Variants in CLDN16 observed in about 807,000 individuals in gnomAD.
The protein encoded by CLDN16 is claudin-16.
In CLDN16, 13 loss-of-function variants were observed where a neutral mutation model predicts 24.6. The observed-to-expected ratio is 0.53, with a 90% CI of 0.34 to 0.84. The LOEUF (loss-of-function observed/expected upper bound fraction) is 0.84. CLDN16 is among the 40% of genes least tolerant of loss of function. The pLI is 0.01. For missense variants in CLDN16, 298 were observed against 292.7 expected, an observed-to-expected ratio of 1.02 and a Z score of -0.13; for synonymous variants, 116 against 106.7, an observed-to-expected ratio of 1.09 and a Z score of -0.54.
the CLDN16 span, among the ~76,000 whole-genome samples, chr3:190,303,443 G>A: frequency 6.6e-6 from 1 of 152,184 alleles, no homozygotes; most frequent in Non-Finnish European, 1.5e-5. Context: ...TAAGAGATCT[G>A]AGCACAGTTT....
chr3:190,391,303 TATATC>T (rs1560094874), intron 1 of CLDN16, among the ~76,000 whole-genome samples: 1 of 151,282 alleles, frequency 6.6e-6, no homozygotes, highest in Non-Finnish European at 1.5e-5. Context: ...TATATACAAT[TATATC>T]ATATAAAAGG....
intron 1 of CLDN16, among the ~76,000 whole-genome samples, chr3:190,356,676 G>A (rs1414495478): frequency 6.6e-6 from 1 of 151,776 alleles, no homozygotes; most frequent in African/African-American, 2.4e-5. Flanking sequence ...TATTGAGATA[G>A]CTCTCTATTT....
At chr3:190,299,692 G>A in the CLDN16 span, among the ~76,000 whole-genome samples, 1 of 151,976 alleles carries the variant, frequency 6.6e-6, no homozygotes, top group Non-Finnish European at 1.5e-5. Context: ...TCATTTCTCT[G>A]TTGATCTGTA....
At chr3:190,318,590 A>G (rs898392392), upstream of CLDN16, among the ~76,000 whole-genome samples, 5 of 152,224 alleles carry the variant, frequency 3.3e-5, no homozygotes, top group Non-Finnish European at 5.9e-5. Flanking sequence ...TCACCATTAT[A>G]CACTTGGCTA....
chr3:190,406,095 C>A (rs945900126), intron 3 of CLDN16, among the ~76,000 whole-genome samples: 1 of 152,178 alleles, frequency 6.6e-6, no homozygotes, highest in African/African-American at 2.4e-5. Context: ...TGCAAAGAGG[C>A]ATGAGGCTAA....
intron 1 of CLDN16, among the ~76,000 whole-genome samples, chr3:190,335,746 G>A (rs1242279029): frequency 6.7e-6 from 1 of 150,252 alleles, no homozygotes; most frequent in Non-Finnish European, 1.5e-5. Context: ...TATCCTAAGG[G>A]CATGCCCTGA....
At position 190,328,310 on chromosome 3, in the gene CLDN16, C is replaced by T. The variant is rs539065135; in HGVS notation, n.121+5649C>T. On this transcript the variant is annotated intron_variant and non_coding_transcript_variant, in intron 1 of 4. Coordinates refer to the CLDN16 transcript ENST00000468220. ...CACAAAATATCTTAATTTTTAATAC[C>T]TTGATTTTTGGGATAAGACAGAATC... Among the ~76,000 whole-genome samples, 4 of 151,980 alleles carry T rather than the reference C, an allele frequency of 2.6e-5. No individual in the cohort carries two copies. In the South Asian group the frequency reaches 8.3e-4, roughly 32 times the overall value.
rs530769638 is a variant in CLDN16, at chr3:190,326,379, G to A, written n.121+3718G>A. ...TAGTTAAATCGTAGTGAAAAGATAC[G>A]CAGTTTCTCTAGAAAGAAGACACAA... On this transcript the variant is annotated intron_variant and non_coding_transcript_variant, in intron 1 of 4. Coordinates refer to the CLDN16 transcript ENST00000468220. Among the ~76,000 whole-genome samples the A allele has an allele frequency of 3.3e-5, 5 of 152,274 alleles. No homozygotes were observed. The East Asian group carries it at 7.7e-4, about 23-fold the overall frequency.
chr3:190,334,187 G>C (rs2108624983), intron 1 of CLDN16, among the ~76,000 whole-genome samples: 1 of 152,320 alleles, frequency 6.6e-6, no homozygotes, highest in Non-Finnish European at 1.5e-5. Context: ...CTGGAGTACA[G>C]AGTGATTGTT....
At chr3:190,354,876 T>C (rs879307568) in intron 1 of CLDN16, among the ~76,000 whole-genome samples, 3 of 152,052 alleles carry the variant, frequency 2.0e-5, no homozygotes, top group Non-Finnish European at 4.4e-5. Flanking sequence ...CCTCTGCTTT[T>C]TTATGTGATG....
the CLDN16 span, chr3:190,310,217 T>C: frequency 3.1e-6 from 5 of 1,613,814 alleles, no homozygotes; most frequent in African/African-American, 2.7e-5. Flanking sequence ...AACGATTCTA[T>C]TGCCATACCA....
At chr3:190,339,276 G>A (rs186638317) in intron 1 of CLDN16, among the ~76,000 whole-genome samples, 39 of 152,214 alleles carry the variant, frequency 2.6e-4, no homozygotes, top group Admixed American at 2.0e-3. Flanking sequence ...CTAGGCTTCT[G>A]GGCCTAACTC....
At chr3:190,397,864 C>G (rs757429926) in intron 1 of CLDN16, among the ~76,000 whole-genome samples, 2 of 152,136 alleles carry the variant, frequency 1.3e-5, no homozygotes, top group Admixed American at 6.5e-5. Flanking sequence ...GAAACTGATA[C>G]CACTACTGAA....
At chr3:190,330,105 C>T (rs16865381) in intron 1 of CLDN16, among the ~76,000 whole-genome samples, 6,519 of 151,976 alleles carry the variant, frequency 0.043, 317 homozygotes, top group African/African-American at 0.12. Context: ...ATTTCAGGTT[C>T]GCTAGCTAGA....
intron 3 of CLDN16, 84 bp from the exon 4 acceptor site, chr3:190,408,230 C>A: frequency 7.5e-7 from 1 of 1,331,636 alleles, no homozygotes; most frequent in South Asian, 1.2e-5. Flanking sequence ...ATCACGCCAG[C>A]CATTTTGTGT....
intron 1 of CLDN16, among the ~76,000 whole-genome samples, chr3:190,395,444 T>G (rs780738801): frequency 3.3e-5 from 5 of 152,168 alleles, no homozygotes; most frequent in Non-Finnish European, 7.4e-5. Context: ...GGCCCTGGGA[T>G]AGTAAAAAAT....
intron 1 of CLDN16, among the ~76,000 whole-genome samples, chr3:190,346,148 A>C (rs1717545299): frequency 6.6e-6 from 1 of 152,190 alleles, no homozygotes. Context: ...AGGAATTTAC[A>C]CCGAGACCGA....
chr3:190,326,892 T>C (rs2108620379), intron 1 of CLDN16, among the ~76,000 whole-genome samples: 1 of 152,324 alleles, frequency 6.6e-6, no homozygotes, highest in Non-Finnish European at 1.5e-5. Context: ...GAAGATCCTT[T>C]TTATCTTAGA....
chr3:190,334,528 A>C (rs78633819), intron 1 of CLDN16, among the ~76,000 whole-genome samples: 10,750 of 152,248 alleles, frequency 0.071, 569 homozygotes, highest in African/African-American at 0.14. Flanking sequence ...ATTCTGCAAC[A>C]TTTTCCACTC....
Sources: allele counts gnomAD v4.1 joint callset (sites outside exome capture counted in the v4.1 genomes callset), GRCh38; gene constraint gnomAD v4.1.1; transcripts MANE v1.5; gene names NCBI Gene and HGNC (gene_info 2026-07-23, HGNC 2026-07-21).